Variants in CSMD1 observed in about 807,000 individuals in gnomAD.
The protein encoded by CSMD1 is CUB and sushi domain-containing protein 1.
A neutral mutation model predicts 417.5 loss-of-function variants in CSMD1; 213 were observed. The observed-to-expected ratio is 0.51, with a 90% CI of 0.46 to 0.57. The LOEUF is 0.57. CSMD1 is among the 20% of genes least tolerant of loss of function. The pLI, the probability that CSMD1 is intolerant of heterozygous loss-of-function variation, is 0.00. For synonymous variants in CSMD1, 2,862 were observed against 1,736.8 expected, an observed-to-expected ratio of 1.65 and a Z score of -16.11; for missense variants, 6,923 against 4,529.7, an observed-to-expected ratio of 1.53 and a Z score of -15.17.
chr8:2,974,538 A>G lies in CSMD1; in HGVS notation c.8653T>C (p.Cys2885Arg). Residue 2885 changes from cysteine (C) to arginine (R), a missense_variant, in exon 56 of 70, where the codon TGC (cysteine) becomes CGC (arginine). Cys to Arg is a radical substitution (Grantham distance 180). Coordinates refer to ENST00000635120, the MANE Select transcript of CSMD1 (RefSeq NM_033225.6). ...CCTATGAGGCTCTCGCTCCCTCTGC[A>G]GGAGTAGTGCACGACGGCGCCATAG... ...FTYGAVVHYS[C>R]RGSESLIGND... 1 of 1,613,562 alleles carries G rather than the reference A, an allele frequency of 6.2e-7. No individual in the cohort carries two copies. The highest frequency in any genetic ancestry group is 8.5e-7 in the Non-Finnish European group (1 of 1,179,708).
chr8:3,177,584 T>G (rs1000393032), intron 37 of CSMD1, among the ~76,000 whole-genome samples: 4 of 152,150 alleles, frequency 2.6e-5, no homozygotes, highest in African/African-American at 9.7e-5. Flanking sequence ...AAGCCCATAG[T>G]AGGGATAACT....
intron 3 of CSMD1, among the ~76,000 whole-genome samples, chr8:4,147,752 C>G (rs1053255116): frequency 6.6e-6 from 1 of 152,094 alleles, no homozygotes; most frequent in Non-Finnish European, 1.5e-5. Flanking sequence ...CAACCCCCGG[C>G]AAGCCATGGA....
intron 1 of CSMD1, among the ~76,000 whole-genome samples, chr8:4,809,980 G>C (rs991600779): frequency 1.3e-5 from 2 of 152,198 alleles, no homozygotes; most frequent in Non-Finnish European, 2.9e-5. Flanking sequence ...GGTAATTACA[G>C]TATTGTCAGG....
At chr8:4,717,321 A>G (rs1296002827) in intron 1 of CSMD1, among the ~76,000 whole-genome samples, 1 of 147,618 alleles carries the variant, frequency 6.8e-6, no homozygotes, top group Non-Finnish European at 1.5e-5. Flanking sequence ...ATATATATAT[A>G]TATATACACA....
At chr8:4,584,181 G>A (rs11987630) in intron 2 of CSMD1, among the ~76,000 whole-genome samples, 21,020 of 151,794 alleles carry the variant, frequency 0.14, 1,732 homozygotes, top group African/African-American at 0.24. Flanking sequence ...CACTCACTGC[G>A]ACGGTCCGTG....
intron 2 of CSMD1, among the ~76,000 whole-genome samples, chr8:4,457,944 C>T (rs901043536): frequency 3.9e-5 from 6 of 152,116 alleles, no homozygotes; most frequent in Admixed American, 2.0e-4. Context: ...GTATGTCAAC[C>T]CAGGCAGAAA....
intron 3 of CSMD1, among the ~76,000 whole-genome samples, chr8:4,081,187 T>A (rs912429034): frequency 6.6e-6 from 1 of 152,166 alleles, no homozygotes; most frequent in African/African-American, 2.4e-5. Flanking sequence ...TTCTGTTATT[T>A]ATAAATTATC....
chr8:3,298,480 G>C (rs1397348459), intron 25 of CSMD1, among the ~76,000 whole-genome samples: 1 of 152,146 alleles, frequency 6.6e-6, no homozygotes, highest in East Asian at 1.9e-4. Flanking sequence ...TTTAGACAGA[G>C]TCTTGATCTG....
intron 1 of CSMD1, among the ~76,000 whole-genome samples, chr8:4,798,067 G>T (rs554229445): frequency 6.6e-6 from 1 of 152,250 alleles, no homozygotes; most frequent in Admixed American, 6.5e-5. Context: ...CAACGTGCAG[G>T]TTTCTTAAGT....
intron 25 of CSMD1, among the ~76,000 whole-genome samples, chr8:3,289,100 G>C (rs1159703805): frequency 6.8e-6 from 1 of 147,270 alleles, no homozygotes; most frequent in African/African-American, 2.7e-5. Flanking sequence ...CCTTGAGATA[G>C]TTTGCTGAGA....
intron 2 of CSMD1, among the ~76,000 whole-genome samples, chr8:4,440,558 T>A (rs1452579451): frequency 9.8e-5 from 15 of 152,326 alleles, no homozygotes; most frequent in East Asian, 3.9e-4. Flanking sequence ...TGCATATCTA[T>A]ATGTAATTTT....
rs549617640 is a variant in CSMD1, at chr8:3,457,500, G to A, written c.1561+11212C>T. ...GGTGATCTAAAAGAAACGCATTGGA[G>A]CTGAGTCATCAAAACCGCATGCCAC... On this transcript the variant is annotated intron_variant, in intron 12 of 69. Coordinates refer to ENST00000635120, the MANE Select transcript of CSMD1 (RefSeq NM_033225.6). 4.6e-5 allele frequency among the ~76,000 whole-genome samples: 7 copies of A among 152,332 alleles called. No individual in the cohort carries two copies. The East Asian group carries it at 1.4e-3, about 29-fold the overall frequency.
intron 51 of CSMD1, among the ~76,000 whole-genome samples, chr8:3,021,524 T>G (rs1192272462): frequency 3.3e-5 from 5 of 152,344 alleles, no homozygotes; most frequent in African/African-American, 1.2e-4. Flanking sequence ...TTGCCTTTTT[T>G]TCATTTCATT....
chr8:4,075,793 G>T, intron 3 of CSMD1, among the ~76,000 whole-genome samples: 1 of 152,148 alleles, frequency 6.6e-6, no homozygotes, highest in Non-Finnish European at 1.5e-5. Context: ...AAGAGGTTGT[G>T]ATGACAGAGC....
intron 3 of CSMD1, among the ~76,000 whole-genome samples, chr8:4,047,525 A>G (rs755934026): frequency 6.6e-6 from 1 of 151,724 alleles, no homozygotes; most frequent in Non-Finnish European, 1.5e-5. Context: ...TATGTCATTC[A>G]TTCATTCATT....
chr8:3,476,495 T>A (rs879826806), intron 11 of CSMD1, among the ~76,000 whole-genome samples: 1 of 152,162 alleles, frequency 6.6e-6, no homozygotes, highest in Non-Finnish European at 1.5e-5. Flanking sequence ...ATATTTACTA[T>A]CATATGAAAC....
chr8:3,369,440 T>G, intron 18 of CSMD1, 70 bp from the exon 19 acceptor site: 1 of 741,188 alleles, frequency 1.3e-6, no homozygotes, highest in Non-Finnish European at 2.3e-6. Context: ...AAATACTGGT[T>G]AAATGGCATG....
intron 5 of CSMD1, among the ~76,000 whole-genome samples, chr8:3,833,836 G>C (rs1286004108): frequency 1.3e-5 from 2 of 152,074 alleles, no homozygotes; most frequent in South Asian, 2.1e-4. Context: ...AACAATATAA[G>C]ACGTTTTTCT....
At chr8:4,691,046 G>C (rs868802362) in intron 1 of CSMD1, among the ~76,000 whole-genome samples, 3 of 152,222 alleles carry the variant, frequency 2.0e-5, no homozygotes, top group South Asian at 2.1e-4. Flanking sequence ...TTTACGCCGT[G>C]CTTTGAAACA....
Sources: gnomAD v4.1 joint callset for allele counts (sites outside exome capture counted in the v4.1 genomes callset) on GRCh38, gnomAD v4.1.1 for gene constraint, MANE v1.5 for transcripts, NCBI Gene and HGNC (gene_info 2026-07-23, HGNC 2026-07-21) for gene names.